The following CPEB2 variants were observed in gnomAD, a reference collection of about 807,000 sequenced individuals.
CPEB2 encodes the protein cytoplasmic polyadenylation element binding protein 2.
Under a neutral mutation model 93.6 loss-of-function variants are expected in CPEB2, and 56 were observed. That is an observed-to-expected ratio of 0.60 (90% CI 0.48 to 0.75). The LOEUF (loss-of-function observed/expected upper bound fraction) is 0.75. Ranked by LOEUF, CPEB2 falls within the 30% of genes least tolerant of loss-of-function variation. CPEB2 has a pLI of 0.00. For missense variants in CPEB2, 1,579 were observed against 1,395.1 expected, an observed-to-expected ratio of 1.13 and a Z score of -2.10; for synonymous variants, 764 against 586.3, an observed-to-expected ratio of 1.30 and a Z score of -4.38.
In CPEB2 at chr4:15,028,308, GA is replaced by G. The variant is rs1297125626; in HGVS notation, c.2126-4845del. ...TATGTAAGAGATTTAGAAATAAGCT[GA>G]AAAAAAAGTCTTGTTCTATGATTTT... On this transcript the variant is annotated intron_variant, in intron 4 of 11. Transcript: ENST00000538197. 4.7e-5 allele frequency among the ~76,000 whole-genome samples: 7 copies of G among 147,764 alleles called. 1 individual carries two copies. The South Asian group carries it at 6.4e-4, about 13-fold the overall frequency.
rs1230456860 is a variant in CPEB2 at position 15,002,723 on chromosome 4, G to A, written c.50G>A (p.Ser17Asn). Residue 17 changes from serine (S) to asparagine (N), a missense_variant, in exon 1 of 12, where the codon AGC becomes AAC. Ser to Asn is a conservative substitution (Grantham distance 46, BLOSUM62 1). This residue lies in a region of CPEB2 where 1,411 missense variants were observed against 1,056.0 expected (regional missense o/e 1.34). Coordinates refer to ENST00000538197, the MANE Select transcript of CPEB2 (RefSeq NM_001177382.2). ...GVLQTAPLRS[S>N]SPGPLFCGEA... ...CTGCAGACCGCCCCGCTCCGAAGTA[G>A]CAGTCCTGGGCCCCTGTTCTGCGGC... 9 of 1,529,612 alleles carry A rather than the reference G, an allele frequency of 5.9e-6. No homozygotes were observed. The South Asian group carries it at 9.6e-5, about 16-fold the overall frequency. The allele number at this position is 1,529,612 out of a possible 1,614,324, so 94.8% of individuals were successfully genotyped here.
intron 6 of CPEB2, among the ~76,000 whole-genome samples, chr4:15,052,019 A>T (rs1333613812): frequency 2.6e-5 from 4 of 152,076 alleles, no homozygotes; most frequent in Admixed American, 1.3e-4. Flanking sequence ...ATTTTTTATA[A>T]ATTATATCCC....
chr4:15,006,920 C>T (rs1722889409), intron 1 of CPEB2, among the ~76,000 whole-genome samples: 1 of 152,070 alleles, frequency 6.6e-6, no homozygotes, highest in Non-Finnish European at 1.5e-5. Flanking sequence ...AGTTGTGTGC[C>T]TAGCATAATT....
intron 11 of CPEB2, among the ~76,000 whole-genome samples, chr4:15,063,561 T>C (rs1729407380): frequency 6.6e-6 from 1 of 152,066 alleles, no homozygotes; most frequent in Admixed American, 6.6e-5. Context: ...GAATTGGTTA[T>C]AAAGCTCCGG....
At chr4:15,045,874 G>T (rs1727626151) in intron 6 of CPEB2, among the ~76,000 whole-genome samples, 1 of 152,090 alleles carries the variant, frequency 6.6e-6, no homozygotes, top group South Asian at 2.1e-4. Flanking sequence ...TCAGTCTCAA[G>T]TAAAAGAGAA....
Position 15,038,059 on chromosome 4 carries a change from G to A in CPEB2, c.2177-2405G>A, listed in dbSNP as rs189662985. 5.9e-5 allele frequency among the ~76,000 whole-genome samples: 9 copies of A among 152,258 alleles called. No homozygotes were observed. The East Asian group carries it at 1.7e-3, about 29-fold the overall frequency. ...CAGGGAATAGGAAATATTTCACATG[G>A]TTTAGCTTCATCTGTAGTCAGTTCT... On this transcript the variant is annotated intron_variant, in intron 5 of 11. Transcript: ENST00000538197.
intron 5 of CPEB2, among the ~76,000 whole-genome samples, chr4:15,034,530 T>C (rs1726419033): frequency 6.6e-6 from 1 of 152,150 alleles, no homozygotes; most frequent in South Asian, 2.1e-4. Flanking sequence ...GTAGTCTTAG[T>C]AGTCATTTGG....
chr4:15,023,038 C>T (rs1255310520), intron 4 of CPEB2, among the ~76,000 whole-genome samples: 1 of 151,868 alleles, frequency 6.6e-6, no homozygotes, highest in Non-Finnish European at 1.5e-5. Flanking sequence ...TAAATTATGA[C>T]AGACTGAAAT....
chr4:15,039,159 C>A (rs1726924581), intron 5 of CPEB2, among the ~76,000 whole-genome samples: 2 of 152,130 alleles, frequency 1.3e-5, no homozygotes, highest in Admixed American at 1.3e-4. Context: ...AAAGACACTA[C>A]AATGGCAGCG....
rs560468327 is a variant in CPEB2, at chr4:15,003,254, A to AGCCGCCGCCGCCGCCGCC, written c.596_597insGCCGCCGCCGCCGCCGCC (p.Pro196_Pro201dup). ...CACCTTCCCCACCCTCCGGACTCGA[A>AGCCGCCGCCGCCGCCGCC]GCCGCCGCCGCCGCCTCCGCCGCTC... On this transcript the variant is annotated inframe_insertion, in exon 1 of 12. Coordinates refer to ENST00000538197, the MANE Select transcript of CPEB2 (RefSeq NM_001177382.2). The AGCCGCCGCCGCCGCCGCC allele has an allele frequency of 6.6e-7, 1 of 1,519,794 alleles. No homozygotes were observed. The allele number at this position is 1,519,794 out of a possible 1,614,324, so 94.1% of individuals were successfully genotyped here.
intron 4 of CPEB2, among the ~76,000 whole-genome samples, chr4:15,018,934 T>C (rs1195813615): frequency 1.6e-5 from 1 of 61,530 alleles, no homozygotes; most frequent in Non-Finnish European, 2.8e-5. Context: ...CTAAGGGGAA[T>C]TTTATATATA....
intron 10 of CPEB2, 80 bp downstream of exon 10, chr4:15,059,381 T>C: frequency 1.1e-6 from 1 of 915,272 alleles, no homozygotes; most frequent in East Asian, 2.5e-5. Flanking sequence ...TTGGAAGCTA[T>C]TGTGTACATG....
chr4:15,019,992 A>C (rs1724642349), intron 4 of CPEB2, among the ~76,000 whole-genome samples: 1 of 152,090 alleles, frequency 6.6e-6, no homozygotes, highest in Admixed American at 6.6e-5. Context: ...AGTCATTTGA[A>C]GGCTTAACTG....
At chr4:15,043,867 T>G (rs1727417881) in intron 6 of CPEB2, among the ~76,000 whole-genome samples, 1 of 152,010 alleles carries the variant, frequency 6.6e-6, no homozygotes. Flanking sequence ...GATGGAAAGG[T>G]TAATTAGAGA....
intron 11 of CPEB2, among the ~76,000 whole-genome samples, chr4:15,064,497 G>T (rs543792312): frequency 1.3e-5 from 2 of 151,494 alleles, no homozygotes; most frequent in South Asian, 4.2e-4. Flanking sequence ...TGTAACTCCT[G>T]AACATCTGGT....
intron 6 of CPEB2, among the ~76,000 whole-genome samples, chr4:15,047,275 C>T (rs1727802849): frequency 6.6e-6 from 1 of 152,102 alleles, no homozygotes; most frequent in South Asian, 2.1e-4. Flanking sequence ...TTTGATTTAT[C>T]ATAAATTTTA....
In CPEB2 at chr4:15,052,406, T is replaced by C. The variant is rs373634025; in HGVS notation, c.2201-8T>C. 60 of 1,437,376 alleles carry C rather than the reference T, an allele frequency of 4.2e-5. No individual in the cohort carries two copies. The highest frequency in any genetic ancestry group is 5.4e-5 in the Non-Finnish European group (58 of 1,081,034). The allele number at this position is 1,437,376 out of a possible 1,614,324, so 89.0% of individuals were successfully genotyped here. A position where few individuals can be genotyped will look rare whatever the true frequency, so the allele number is the denominator to read the frequency against. On this transcript the variant is annotated splice_polypyrimidine_tract_variant and splice_region_variant and intron_variant, in intron 6 of 11. Transcript: ENST00000538197. ...TGAGATTCAAGTTGTATTTGTTCTT[T>C]ATTCTAGGTCGTTCTTCCCTCTTTC...
chr4:15,003,723 GGGCGGC>G lies in CPEB2; in HGVS notation c.1065_1070del (p.Gly359_Gly360del), dbSNP rs527630065. On this transcript the variant is annotated inframe_deletion, in exon 1 of 12. Transcript: ENST00000538197. ...TGCAGAGCCCGGACCTTCCACACCC[GGGCGGC>G]GGCGGCGGCGGCGGGGGCGGGGGGC... 9.3e-5 allele frequency: 122 copies of G among 1,305,584 alleles called. No homozygotes were observed. The highest frequency in any genetic ancestry group is 1.5e-4 in the South Asian group (6 of 39,986). The allele number at this position is 1,305,584 out of a possible 1,614,324, so 80.9% of individuals were successfully genotyped here.
At position 15,052,407 on chromosome 4, in the gene CPEB2, A is replaced by T. The variant is rs753869108; in HGVS notation, c.2201-7A>T. Reference sequence around the variant, plus strand: ...GAGATTCAAGTTGTATTTGTTCTTTATTCTAGGTCGTTCTTCCCTCTTTCC... The same window carrying T: ...GAGATTCAAGTTGTATTTGTTCTTTTTTCTAGGTCGTTCTTCCCTCTTTCC... On this transcript the variant is annotated splice_polypyrimidine_tract_variant and splice_region_variant and intron_variant, in intron 6 of 11. Transcript: ENST00000538197. The T allele has an allele frequency of 4.8e-6, 7 of 1,466,894 alleles. No individual in the cohort carries two copies. In the East Asian group the frequency reaches 1.0e-4, roughly 21 times the overall value. 90.9% of individuals were successfully genotyped at this position (1,466,894 alleles called of 1,614,324 possible). A position where few individuals can be genotyped will look rare whatever the true frequency, so the allele number is the denominator to read the frequency against.
Sources: allele counts gnomAD v4.1 joint callset (sites outside exome capture counted in the v4.1 genomes callset), GRCh38; gene constraint gnomAD v4.1.1; regional missense constraint gnomAD v4.1.1; transcripts MANE v1.5; gene names NCBI Gene and HGNC (gene_info 2026-07-23, HGNC 2026-07-21).